MYO3B: variants seen among roughly 807,000 people sequenced by gnomAD.
MYO3B encodes myosin-IIIb.
In MYO3B, 156 loss-of-function variants were observed where a neutral mutation model predicts 174.6. The ratio of observed to expected loss-of-function variants is 0.89; its 90% CI spans 0.78 to 1.02. MYO3B has a LOEUF of 1.02. Among genes scored for constraint, MYO3B ranks in the 50% least tolerant of loss-of-function variants. MYO3B has a pLI of 0.00. For synonymous variants in MYO3B, 563 were observed against 569.1 expected, an observed-to-expected ratio of 0.99 and a Z score of 0.15; for missense variants, 1,632 against 1,639.4, an observed-to-expected ratio of 1.00 and a Z score of 0.08.
chr2:170,524,525 T>C lies in MYO3B; in HGVS notation c.3575+4985T>C, dbSNP rs200314461. On this transcript the variant is annotated intron_variant, in intron 30 of 34. Transcript: ENST00000408978. ...TTGAGATGGAGTTTCACTCTGTTGCTCAGGCTGGAGTGCAATAGCATGATC... is the reference window on the plus strand; with the variant it reads ...TTGAGATGGAGTTTCACTCTGTTGCCCAGGCTGGAGTGCAATAGCATGATC... 2.4e-3 allele frequency: 1,095 copies of C among 448,080 alleles called. 1 individual carries two copies. Among genetic ancestry groups the C allele is most frequent in the Non-Finnish European group, 3.9e-3 (869 of 224,350 alleles). 27.8% of individuals were successfully genotyped at this position (448,080 alleles called of 1,614,324 possible). A position where few individuals can be genotyped will look rare whatever the true frequency, so the allele number is the denominator to read the frequency against.
intron 32 of MYO3B, among the ~76,000 whole-genome samples, chr2:170,576,013 G>A (rs1255222812): frequency 6.6e-6 from 1 of 152,130 alleles, no homozygotes; most frequent in Non-Finnish European, 1.5e-5. Flanking sequence ...AAGATCATGA[G>A]GCAATTAGTG....
chr2:170,235,222 TC>T (rs1229794111), intron 6 of MYO3B, among the ~76,000 whole-genome samples: 1 of 152,196 alleles, frequency 6.6e-6, no homozygotes, highest in African/African-American at 2.4e-5. Flanking sequence ...GTCCTCCACA[TC>T]CTCTGGCTCA....
intron 21 of MYO3B, 95 bp from the exon 22 acceptor site, chr2:170,407,620 T>C: frequency 1.1e-6 from 1 of 918,058 alleles, no homozygotes; most frequent in Non-Finnish European, 1.7e-6. Flanking sequence ...GAGTTCTATA[T>C]AGAGGTTGAT....
chr2:170,376,630 A>G (rs2094295829), intron 9 of MYO3B, among the ~76,000 whole-genome samples: 1 of 151,206 alleles, frequency 6.6e-6, no homozygotes, highest in Admixed American at 6.6e-5. Context: ...TCTATCCGCA[A>G]CAAATTTTAC....
rs10532249 is a variant in MYO3B, at chr2:170,548,106, C to CA, written c.3733+4147dup. Among the ~76,000 whole-genome samples the CA allele has an allele frequency of 5.8e-3, 301 of 51,718 alleles. 31 individuals carry two copies. The highest frequency in any genetic ancestry group is 0.026 in the African/African-American group (260 of 10,146). 33.9% of individuals were successfully genotyped at this position (51,718 alleles called of 152,430 possible). On this transcript the variant is annotated intron_variant, in intron 32 of 34. Coordinates refer to ENST00000408978, the MANE Select transcript of MYO3B (RefSeq NM_138995.5). ...TGGGAAACAGAGCAAGACTCCGTCT[C>CA]AAAAAAAAAAAAAAAAAAAAAAAAA...
intron 32 of MYO3B, among the ~76,000 whole-genome samples, chr2:170,612,657 G>C (rs1001167980): frequency 1.3e-5 from 2 of 152,208 alleles, no homozygotes; most frequent in Non-Finnish European, 2.9e-5. Flanking sequence ...AACAGTGGAG[G>C]CAGGAGTTAG....
At chr2:170,352,064 T>C (rs908075666) in intron 8 of MYO3B, among the ~76,000 whole-genome samples, 41 of 152,318 alleles carry the variant, frequency 2.7e-4, no homozygotes, top group African/African-American at 9.9e-4. Context: ...GCGATCCTCT[T>C]GCCTCAGCCT....
At chr2:170,594,827 G>C (rs866089015) in intron 32 of MYO3B, among the ~76,000 whole-genome samples, 1 of 135,100 alleles carries the variant, frequency 7.4e-6, no homozygotes, top group Admixed American at 8.0e-5. Context: ...CCCAGCGCGC[G>C]CACACACACA....
At chr2:170,572,632 ACCT>A (rs1692516576) in intron 32 of MYO3B, among the ~76,000 whole-genome samples, 1 of 147,262 alleles carries the variant, frequency 6.8e-6, no homozygotes, top group South Asian at 2.2e-4. Context: ...AAAGGTAAGG[ACCT>A]CCTCCTCCTC....
At chr2:170,508,746 T>C (rs532701514) in intron 28 of MYO3B, among the ~76,000 whole-genome samples, 1 of 152,320 alleles carries the variant, frequency 6.6e-6, no homozygotes, top group South Asian at 2.1e-4. Context: ...GTCCTAGGCA[T>C]GTGGAGTTTA....
chr2:170,558,867 A>G (rs371220628), intron 32 of MYO3B, among the ~76,000 whole-genome samples: 3 of 152,242 alleles, frequency 2.0e-5, no homozygotes, highest in East Asian at 3.9e-4. Context: ...ATCTCCCTAT[A>G]TCCCTCTTTC....
intron 8 of MYO3B, chr2:170,346,539 T>C (rs761692082): frequency 1.3e-5 from 2 of 152,198 alleles, no homozygotes; most frequent in Non-Finnish European, 2.9e-5. Flanking sequence ...CATAAAACCA[T>C]ACTGTATTTT....
Position 170,400,257 on chromosome 2 carries a change from T to A in MYO3B, c.1861T>A (p.Ser621Thr). The A allele has an allele frequency of 6.2e-7, 1 of 1,614,094 alleles. No individual in the cohort carries two copies. Among genetic ancestry groups the A allele is most frequent in the Non-Finnish European group, 8.5e-7 (1 of 1,180,004 alleles). ...TGGGAACATTGAGTTCGCAGCTATTTCCTCTCAACATCAGACTGATAAAAG... is the reference window on the plus strand; with the variant it reads ...TGGGAACATTGAGTTCGCAGCTATTACCTCTCAACATCAGACTGATAAAAG... ...NIGNIEFAAI[S>T]SQHQTDKSEV... The change falls in exon 17 of 35, where the codon TCC becomes ACC. Residue 621 changes from serine (S) to threonine (T), a missense_variant. Transcript: ENST00000408978.
At chr2:170,400,755 G>C (rs2094470564) in intron 17 of MYO3B, among the ~76,000 whole-genome samples, 1 of 151,842 alleles carries the variant, frequency 6.6e-6, no homozygotes, top group South Asian at 2.1e-4. Context: ...ATGTCCTGTG[G>C]AACACCAGTG....
intron 7 of MYO3B, among the ~76,000 whole-genome samples, chr2:170,271,605 A>G (rs2093425604): frequency 6.6e-6 from 1 of 152,206 alleles, no homozygotes; most frequent in African/African-American, 2.4e-5. Context: ...AACGTGGCCT[A>G]ATGGCTGAGA....
chr2:170,381,153 A>C (rs779426876), intron 9 of MYO3B, among the ~76,000 whole-genome samples: 2 of 152,032 alleles, frequency 1.3e-5, no homozygotes, highest in African/African-American at 2.4e-5. Context: ...AAAATTTTAA[A>C]AACAACAACC....
rs1325897410 is a variant in MYO3B at position 170,329,117 on chromosome 2, A to C, written c.750-6268A>C. ...CAGTGAGCCAAGATCGCTCCATTGC[A>C]CTCCATCCTGGGCGACTGAGTGAGA... On this transcript the variant is annotated intron_variant, in intron 7 of 34. Transcript: ENST00000408978. 3.3e-5 allele frequency among the ~76,000 whole-genome samples: 5 copies of C among 151,108 alleles called. No homozygotes were observed. The East Asian group carries it at 7.8e-4, about 24-fold the overall frequency.
At chr2:170,179,396 A>T (rs575469203) in intron 1 of MYO3B, among the ~76,000 whole-genome samples, 6 of 152,208 alleles carry the variant, frequency 3.9e-5, no homozygotes, top group African/African-American at 1.4e-4. Context: ...CGTCTTTACC[A>T]TGGTTATGGT....
chr2:170,515,051 G>A (rs1559074513), intron 29 of MYO3B, 29 bp downstream of exon 29: 1 of 1,578,802 alleles, frequency 6.3e-7, no homozygotes, highest in Non-Finnish European at 8.7e-7. Context: ...TAGAATGAGT[G>A]TTCTAAATTC....
Sources: allele counts gnomAD v4.1 joint callset (sites outside exome capture counted in the v4.1 genomes callset), GRCh38; gene constraint gnomAD v4.1.1; transcripts MANE v1.5; gene names NCBI Gene and HGNC (gene_info 2026-07-23, HGNC 2026-07-21).